CDKL2: variants seen among roughly 807,000 people sequenced by gnomAD.
CDKL2 encodes cyclin-dependent kinase-like 2.
Under a neutral mutation model 63.9 loss-of-function variants are expected in CDKL2, and 64 were observed. The observed-to-expected ratio is 1.00, with a 90% confidence interval of 0.82 to 1.23. CDKL2 has a LOEUF of 1.23. CDKL2 is among the 50% of genes most tolerant of loss of function. The probability of loss-of-function intolerance (pLI) is 0.00; values close to 1 mark genes in which losing one functional copy is unlikely to be tolerated. For missense variants in CDKL2, 656 were observed against 668.0 expected (o/e 0.98, Z 0.20); for synonymous variants, 211 against 229.2 (o/e 0.92, Z 0.72).
Position 75,602,788 on chromosome 4 carries a change from T to C in CDKL2, c.795+1029A>G, listed in dbSNP as rs537391713. ...ATCCACCGGCCTTAGCCTCCCAAAGTGCTGGGATTACAGGTGTGAGCCACC... is the reference window on the plus strand; with the variant it reads ...ATCCACCGGCCTTAGCCTCCCAAAGCGCTGGGATTACAGGTGTGAGCCACC... On this transcript the variant is annotated intron_variant, in intron 6 of 13. Transcript: ENST00000307465. Among the ~76,000 whole-genome samples, 5 of 152,228 alleles carry C rather than the reference T, an allele frequency of 3.3e-5. No homozygotes were observed. In the South Asian group the frequency reaches 1.0e-3, roughly 32 times the overall value.
chr4:75,586,521 C>A (rs753180357), intron 12 of CDKL2, among the ~76,000 whole-genome samples: 4 of 152,026 alleles, frequency 2.6e-5, no homozygotes, highest in Admixed American at 2.6e-4. Flanking sequence ...TGAGCCACTG[C>A]GCCCAGCCTG....
chr4:75,592,186 G>C lies in CDKL2; in HGVS notation c.1500C>G (p.Asn500Lys). ...CTCTTAGTTCAGGGAGATGATTATA[G>C]TTTAGTTCAGGCAAACGGACATCTG... is the stretch of plus-strand genomic sequence containing the variant. ...SRTDVRLPEL[N>K]YNHLPELRAL... The change falls in exon 11 of 14, where the codon AAC becomes AAG. Residue 500 changes from asparagine (N) to lysine (K), a missense_variant. Asn to Lys is a moderately conservative substitution (Grantham distance 94, BLOSUM62 0). Transcript: ENST00000307465. 6.5e-7 allele frequency: 1 copy of C among 1,535,332 alleles called. No homozygotes were observed.
intron 2 of CDKL2, among the ~76,000 whole-genome samples, chr4:75,622,592 C>T (rs1395158059): frequency 2.6e-5 from 4 of 151,518 alleles, no homozygotes; most frequent in African/African-American, 4.9e-5. Flanking sequence ...GTGGCGGGCA[C>T]CTGTAATCCC....
rs1245079317 is a variant in CDKL2, at chr4:75,577,671, T to G, written c.*1531A>C. On this transcript the variant is annotated 3_prime_UTR_variant, in exon 14 of 14. Coordinates refer to ENST00000307465, the MANE Select transcript of CDKL2 (RefSeq NM_001330724.2). ...AAGTAAAAATAAAGTAGTAACTTTT[T>G]AATATGCAGCCTATTAATGCTGATA... Among the ~76,000 whole-genome samples, 1 of 152,234 alleles carries G rather than the reference T, an allele frequency of 6.6e-6. No individual in the cohort carries two copies. Among genetic ancestry groups the G allele is most frequent in the African/African-American group, 2.4e-5 (1 of 41,464 alleles).
chr4:75,579,456 C>T (rs1728162801), intron 13 of CDKL2, among the ~76,000 whole-genome samples: 1 of 152,166 alleles, frequency 6.6e-6, no homozygotes, highest in South Asian at 2.1e-4. Flanking sequence ...GGCAGATCAC[C>T]TGAGGTTGGG....
intron 7 of CDKL2, among the ~76,000 whole-genome samples, chr4:75,598,604 A>C (rs1179082517): frequency 2.0e-5 from 3 of 151,388 alleles, no homozygotes; most frequent in Non-Finnish European, 4.4e-5. Flanking sequence ...AAAAAAAAAA[A>C]GGCAGTCTTG....
At position 75,576,569 on chromosome 4, in the gene CDKL2, CA is replaced by C. The variant is rs1471103754; in HGVS notation, c.*2632del. ...TCTTCTAGTGCAAAAACACTTAATG[CA>C]AAAAACAACAGAGAAAAATCCATTC... On this transcript the variant is annotated 3_prime_UTR_variant, in exon 14 of 14. Coordinates refer to ENST00000307465, the MANE Select transcript of CDKL2 (RefSeq NM_001330724.2). 6.6e-6 allele frequency among the ~76,000 whole-genome samples: 1 copy of C among 152,042 alleles called. No individual in the cohort carries two copies. Among genetic ancestry groups the C allele is most frequent in the Non-Finnish European group, 1.5e-5 (1 of 67,976 alleles).
At position 75,577,584 on chromosome 4, in the gene CDKL2, G is replaced by A. The variant is rs1340976006; in HGVS notation, c.*1618C>T. On this transcript the variant is annotated 3_prime_UTR_variant, in exon 14 of 14. Transcript: ENST00000307465. Reference sequence around the variant, plus strand: ...AAATAGTATTGAAATAAGCCGAAGCGCCATTTGGCTTTAAGTATTACCTGT... The same window carrying A: ...AAATAGTATTGAAATAAGCCGAAGCACCATTTGGCTTTAAGTATTACCTGT... Among the ~76,000 whole-genome samples, 2 of 152,096 alleles carry A rather than the reference G, an allele frequency of 1.3e-5. No homozygotes were observed. Among genetic ancestry groups the A allele is most frequent in the Admixed American group, 6.5e-5 (1 of 15,272 alleles).
chr4:75,581,620 C>T (rs552581663), intron 13 of CDKL2, among the ~76,000 whole-genome samples, 190 bp downstream of exon 13: 38 of 152,244 alleles, frequency 2.5e-4, no homozygotes, highest in Non-Finnish European at 4.9e-4. Context: ...GTACGCTCTG[C>T]GAAAAGGGAT....
At chr4:75,628,458 G>A (rs1257575683) in intron 1 of CDKL2, among the ~76,000 whole-genome samples, 1 of 152,088 alleles carries the variant, frequency 6.6e-6, no homozygotes, top group African/African-American at 2.4e-5. Flanking sequence ...CTGAATAAAG[G>A]CAATCCTAAG....
At chr4:75,584,060 C>T (rs1036114736) in intron 12 of CDKL2, among the ~76,000 whole-genome samples, 2 of 152,104 alleles carry the variant, frequency 1.3e-5, no homozygotes, top group African/African-American at 4.8e-5. Flanking sequence ...ATTTCAGTAC[C>T]GATATGAAGG....
chr4:75,603,033 C>G (rs939275047), intron 6 of CDKL2, among the ~76,000 whole-genome samples: 2 of 139,580 alleles, frequency 1.4e-5, no homozygotes, highest in African/African-American at 5.6e-5. Flanking sequence ...CGCTCTGTCG[C>G]CCAGGCCGGA....
intron 13 of CDKL2, 75 bp from the exon 14 acceptor site, chr4:75,579,253 C>T (rs1728154388): frequency 6.6e-6 from 1 of 152,226 alleles, no homozygotes; most frequent in Non-Finnish European, 1.5e-5. Flanking sequence ...ATCTCACTTG[C>T]TTTCTCACAT....
chr4:75,601,898 T>TTATA (rs1328788936), intron 6 of CDKL2, among the ~76,000 whole-genome samples: 1 of 152,234 alleles, frequency 6.6e-6, no homozygotes, highest in Non-Finnish European at 1.5e-5. Flanking sequence ...TGGGTAAATC[T>TTATA]TATAGCCTAG....
rs1349318544 is a variant in CDKL2, at chr4:75,600,133, G to A, written c.884+148C>T. Reference sequence around the variant, plus strand: ...GACCACCCCTAGGAACTGCATTATTGCTAAGGGAATATGGGGGTAGAGTGG... The same window carrying A: ...GACCACCCCTAGGAACTGCATTATTACTAAGGGAATATGGGGGTAGAGTGG... On this transcript the variant is annotated intron_variant, in intron 7 of 13. Transcript: ENST00000307465. The A allele has an allele frequency of 1.6e-5, 9 of 551,842 alleles. No individual in the cohort carries two copies. The Admixed American group carries it at 1.7e-4, about 10-fold the overall frequency. The allele number at this position is 551,842 out of a possible 1,614,324, so 34.2% of individuals were successfully genotyped here.
chr4:75,618,100 CAAAAAA>C (rs1297914975), intron 2 of CDKL2, among the ~76,000 whole-genome samples: 1 of 73,874 alleles, frequency 1.4e-5, no homozygotes. Context: ...GACTCTGTCT[CAAAAAA>C]AAAAAAAAAA....
rs200910442 is a variant in CDKL2 at position 75,603,858 on chromosome 4, G to T, written c.754C>A (p.Arg252Ser). Residue 252 changes from arginine to serine, a missense_variant, in exon 6 of 14, where the codon CGC (arginine) becomes AGC (serine). Coordinates refer to ENST00000307465, the MANE Select transcript of CDKL2 (RefSeq NM_001330724.2). ...ACCACTTCAGAGAGCTTAGGATAGC[G>T]TCTTTCAAGAGGTTCTCTTTCCTTG... The part of the protein sequence containing the change: ...EIKEREPLER[R>S]YPKLSEVVID... The T allele has an allele frequency of 1.9e-6, 3 of 1,612,926 alleles. No homozygotes were observed. The highest frequency in any genetic ancestry group is 2.2e-5 in the South Asian group (2 of 90,944).
chr4:75,584,248 A>G (rs186204813), intron 12 of CDKL2, among the ~76,000 whole-genome samples: 81 of 152,320 alleles, frequency 5.3e-4, no homozygotes, highest in Middle Eastern at 3.4e-3. Context: ...CAAGTGTAAG[A>G]GAGATTTGAC....
At chr4:75,589,636 G>T (rs1282945307) in intron 12 of CDKL2, among the ~76,000 whole-genome samples, 1 of 152,048 alleles carries the variant, frequency 6.6e-6, no homozygotes, top group East Asian at 1.9e-4. Context: ...CTTACCAAGT[G>T]ACCCAGCAAA....
Sources: allele counts gnomAD v4.1 joint callset (sites outside exome capture counted in the v4.1 genomes callset), GRCh38; gene constraint gnomAD v4.1.1; transcripts MANE v1.5; gene names NCBI Gene and HGNC (gene_info 2026-07-23, HGNC 2026-07-21).